Variants in TXNDC5 observed in about 807,000 individuals in gnomAD.
The protein encoded by TXNDC5 is thioredoxin domain-containing protein 5.
A neutral mutation model predicts 52.6 loss-of-function variants in TXNDC5; 44 were observed. The observed-to-expected ratio is 0.84, with a 90% CI of 0.66 to 1.08. The LOEUF is 1.08. Among genes scored for constraint, TXNDC5 ranks in the 50% least tolerant of loss-of-function variants. TXNDC5 has a pLI of 0.00. For missense variants in TXNDC5, 600 were observed against 565.5 expected (o/e 1.06, Z -0.62); for synonymous variants, 241 against 234.4 (o/e 1.03, Z -0.26).
intron 9 of TXNDC5, among the ~76,000 whole-genome samples, chr6:7,883,988 T>C (rs1006862297): frequency 3.3e-5 from 5 of 152,172 alleles, no homozygotes; most frequent in Non-Finnish European, 5.9e-5. Context: ...TGCTGGCTTA[T>C]GTGTGAAAAA....
chr6:7,894,266 CT>C (rs58493259), intron 4 of TXNDC5, among the ~76,000 whole-genome samples: 4,066 of 142,162 alleles, frequency 0.029, 34 homozygotes, highest in African/African-American at 0.035. Context: ...CATACCCAGC[CT>C]TTTTTTTTTT....
intron 2 of TXNDC5, 163 bp from the exon 3 acceptor site, chr6:7,899,844 G>A (rs1760504062): frequency 1.9e-6 from 1 of 518,080 alleles, no homozygotes; most frequent in East Asian, 3.3e-5. Flanking sequence ...CGTTCCAGGA[G>A]ATAATACATT....
At chr6:7,885,768 A>G (rs1238188643) in intron 8 of TXNDC5, among the ~76,000 whole-genome samples, 193 bp downstream of exon 8, 1 of 152,230 alleles carries the variant, frequency 6.6e-6, no homozygotes, top group Non-Finnish European at 1.5e-5. Context: ...CTCCATATAT[A>G]ATTAAGGCCA....
At position 7,884,358 on chromosome 6, in the gene TXNDC5, C is replaced by A. The variant is rs752305347; in HGVS notation, c.1176+1G>T. ...CCATAAGCATCCATCCAAGTACCCA[C>A]CGAATACTTGCTGCAGATATTCCGT... On this transcript the variant is annotated splice_donor_variant, in intron 9 of 9. Transcript: ENST00000379757. LOFTEE classifies it high-confidence loss of function. 6.2e-7 allele frequency: 1 copy of A among 1,614,072 alleles called. No individual in the cohort carries two copies. Among genetic ancestry groups the A allele is most frequent in the East Asian group, 2.2e-5 (1 of 44,882 alleles).
chr6:7,903,376 C>T (rs1760632541), intron 2 of TXNDC5, among the ~76,000 whole-genome samples: 1 of 152,186 alleles, frequency 6.6e-6, no homozygotes, highest in Admixed American at 6.5e-5. Flanking sequence ...ACCAAGAATT[C>T]CAGGGTCCTT....
chr6:7,896,288 A>G (rs1383026287), intron 3 of TXNDC5, among the ~76,000 whole-genome samples: 1 of 152,234 alleles, frequency 6.6e-6, no homozygotes, highest in African/African-American at 2.4e-5. Context: ...GGGCTTTTCA[A>G]AAGATGCTTC....
At chr6:7,889,664 T>C in intron 5 of TXNDC5, 83 bp from the exon 6 acceptor site, 2 of 1,055,242 alleles carry the variant, frequency 1.9e-6, no homozygotes, top group South Asian at 1.5e-5. Flanking sequence ...CTTTGTACGT[T>C]ACAAATATTC....
At chr6:7,884,011 G>T (rs1232178147) in intron 9 of TXNDC5, among the ~76,000 whole-genome samples, 4 of 152,168 alleles carry the variant, frequency 2.6e-5, no homozygotes, top group Non-Finnish European at 5.9e-5. Context: ...AGCGACTCGG[G>T]TATTTATGGC....
chr6:7,903,519 G>T (rs1320243886), intron 2 of TXNDC5, among the ~76,000 whole-genome samples: 1 of 152,202 alleles, frequency 6.6e-6, no homozygotes, highest in Non-Finnish European at 1.5e-5. Context: ...TACAGGTTAA[G>T]TGATGAGGTC....
intron 7 of TXNDC5, among the ~76,000 whole-genome samples, chr6:7,886,362 A>G (rs1581307729): frequency 6.7e-6 from 1 of 148,922 alleles, no homozygotes; most frequent in African/African-American, 2.5e-5. Context: ...CAGGTTGAAA[A>G]CTCTCCAGGG....
chr6:7,894,985 A>C, intron 4 of TXNDC5, 121 bp downstream of exon 4: 1 of 1,459,912 alleles, frequency 6.8e-7, no homozygotes, highest in Non-Finnish European at 9.1e-7. Flanking sequence ...CTCTAGAGTG[A>C]CCCTTTGTCA....
At chr6:7,892,329 G>A (rs575843836) in intron 4 of TXNDC5, among the ~76,000 whole-genome samples, 15 of 152,336 alleles carry the variant, frequency 9.8e-5, no homozygotes, top group Non-Finnish European at 1.3e-4. Context: ...ACCACACTAC[G>A]GGGACACAAT....
chr6:7,888,919 A>G, intron 6 of TXNDC5, 71 bp from the exon 7 acceptor site: 2 of 1,510,990 alleles, frequency 1.3e-6, no homozygotes, highest in Non-Finnish European at 8.9e-7. Flanking sequence ...CCTTCCTGCA[A>G]CCCCTGCTTG....
In TXNDC5 at chr6:7,883,282, AAAAAAGTTTGC is replaced by A; in HGVS notation, c.1177-27_1177-17del. The A allele has an allele frequency of 6.5e-7, 1 of 1,541,884 alleles. No individual in the cohort carries two copies. Among genetic ancestry groups the A allele is most frequent in the Admixed American group, 1.7e-5 (1 of 58,268 alleles). On this transcript the variant is annotated splice_polypyrimidine_tract_variant and intron_variant, in intron 9 of 9. Transcript: ENST00000379757. The stretch of plus-strand genomic sequence containing the variant: ...AGCCTCGTACCTTAAAACAAAAAAG[AAAAAAGTTTGC>A]AAACCAGCGGTCCAGATCACATGCA...
chr6:7,887,497 T>TCC (rs1760027799), intron 7 of TXNDC5, among the ~76,000 whole-genome samples: 38 of 101,416 alleles, frequency 3.7e-4, no homozygotes, highest in Admixed American at 3.3e-3. Context: ...GGACCCTCCC[T>TCC]CCCTCTCCGC....
intron 5 of TXNDC5, 86 bp downstream of exon 5, chr6:7,891,535 T>C: frequency 9.1e-7 from 1 of 1,103,794 alleles, no homozygotes; most frequent in East Asian, 2.5e-5. Context: ...TTTGCGACTT[T>C]GCACACGGAA....
chr6:7,899,116 G>A (rs900859199), intron 3 of TXNDC5, among the ~76,000 whole-genome samples: 4 of 152,164 alleles, frequency 2.6e-5, no homozygotes, highest in Non-Finnish European at 5.9e-5. Context: ...TTCTAGGCTG[G>A]GCCCAGCCCT....
intron 1 of TXNDC5, 27 bp downstream of exon 1, chr6:7,910,487 G>C (rs1420296092): frequency 2.1e-5 from 30 of 1,409,676 alleles, no homozygotes; most frequent in Admixed American, 5.1e-5. Flanking sequence ...CAAGTGCGGG[G>C]CAGGGCGCCG....
chr6:7,887,285 C>T lies in TXNDC5; in HGVS notation c.964-1242G>A, dbSNP rs1486657245. ...TGACTTCTACCTGAAGAGGATGACACGGGCACTCTCGTCCAGTGCAGACCT... is the reference window on the plus strand; with the variant it reads ...TGACTTCTACCTGAAGAGGATGACATGGGCACTCTCGTCCAGTGCAGACCT... On this transcript the variant is annotated intron_variant, in intron 7 of 9. Transcript: ENST00000379757. Among the ~76,000 whole-genome samples, 6 of 152,270 alleles carry T rather than the reference C, an allele frequency of 3.9e-5. No homozygotes were observed. The South Asian group carries it at 8.3e-4, about 21-fold the overall frequency.
Sources: gnomAD v4.1 joint callset for allele counts (sites outside exome capture counted in the v4.1 genomes callset) on GRCh38, gnomAD v4.1.1 for gene constraint, MANE v1.5 for transcripts, NCBI Gene and HGNC (gene_info 2026-07-23, HGNC 2026-07-21) for gene names.